The following MLLT1 variants were observed in gnomAD, a reference collection of about 807,000 sequenced individuals.
The protein encoded by MLLT1 is MLLT1 super elongation complex subunit.
A neutral mutation model predicts 55.1 loss-of-function variants in MLLT1; 11 were observed. The ratio of observed to expected loss-of-function variants is 0.20; its 90% CI spans 0.13 to 0.33. The LOEUF (loss-of-function observed/expected upper bound fraction) is 0.33, where lower values mean the gene tolerates loss of function less well. Among genes scored for constraint, MLLT1 ranks in the 10% least tolerant of loss-of-function variants. The probability of loss-of-function intolerance (pLI) is 1.00; values close to 1 mark genes in which losing one functional copy is unlikely to be tolerated. For synonymous variants in MLLT1, 323 were observed against 320.1 expected, an observed-to-expected ratio of 1.01 and a Z score of -0.10; for missense variants, 536 against 760.6, an observed-to-expected ratio of 0.70 and a Z score of 3.47.
At chr19:6,251,183 C>A (rs777713308) in intron 3 of MLLT1, among the ~76,000 whole-genome samples, 1 of 152,212 alleles carries the variant, frequency 6.6e-6, no homozygotes, top group Non-Finnish European at 1.5e-5. Context: ...GGCAGTAGTA[C>A]AACCCTGTGA....
Position 6,210,772 on chromosome 19 carries a change from C to G in MLLT1, c.*2270G>C, listed in dbSNP as rs1163911166. On this transcript the variant is annotated 3_prime_UTR_variant, in exon 12 of 12. Coordinates refer to ENST00000252674, the MANE Select transcript of MLLT1 (RefSeq NM_005934.4). This position sits in a 1 kb window ranked among gnomAD's most constrained non-coding sequence, Gnocchi z 4.6. ...CCCAGAGCCCTCGTGGGCCCAGCCG[C>G]CGGGCAGCTGGGGTGGGGTGGGAGA... The G allele has an allele frequency of 8.7e-6, 2 of 229,926 alleles. No homozygotes were observed. The highest frequency in any genetic ancestry group is 1.2e-4 in the East Asian group (2 of 16,234). 14.2% of individuals were successfully genotyped at this position (229,926 alleles called of 1,614,324 possible).
At position 6,230,527 on chromosome 19, in the gene MLLT1, CG is replaced by C; in HGVS notation, c.420+42del. ...ACAGACGGCCGCAGCAAAGTAGCCTCGGTGGAGCGGCCCCTTGGCGGGCAGG... is the reference window on the plus strand; with the variant it reads ...ACAGACGGCCGCAGCAAAGTAGCCTCGTGGAGCGGCCCCTTGGCGGGCAGG... On this transcript the variant is annotated intron_variant, in intron 4 of 11. Coordinates refer to ENST00000252674, the MANE Select transcript of MLLT1 (RefSeq NM_005934.4). This position sits in a 1 kb window ranked among gnomAD's most constrained non-coding sequence, Gnocchi z 9.0. The C allele has an allele frequency of 6.2e-7, 1 of 1,606,024 alleles. No individual in the cohort carries two copies. Among genetic ancestry groups the C allele is most frequent in the Non-Finnish European group, 8.5e-7 (1 of 1,177,852 alleles).
chr19:6,260,866 C>T (rs11666266), intron 3 of MLLT1, among the ~76,000 whole-genome samples: 45,486 of 152,186 alleles, frequency 0.3, 7,722 homozygotes, highest in African/African-American at 0.45. Context: ...ACAAAAAATG[C>T]CTTGCTGGCC....
chr19:6,279,436 GCT>G (rs2091445384), intron 1 of MLLT1, among the ~76,000 whole-genome samples: 2 of 152,072 alleles, frequency 1.3e-5, no homozygotes, highest in Non-Finnish European at 2.9e-5. Context: ...CCTAAGCCGG[GCT>G]GGGGTCCCCA....
At chr19:6,271,720 G>A (rs1457877120) in intron 1 of MLLT1, among the ~76,000 whole-genome samples, 1 of 152,228 alleles carries the variant, frequency 6.6e-6, no homozygotes, top group East Asian at 1.9e-4. Context: ...ATACAAGAAT[G>A]TTACAAAATA....
At chr19:6,215,329 C>T (rs1264899324) in intron 8 of MLLT1, among the ~76,000 whole-genome samples, 3 of 152,222 alleles carry the variant, frequency 2.0e-5, no homozygotes, top group Non-Finnish European at 4.4e-5. Flanking sequence ...CGGCTCTTGG[C>T]GCAAGCAGAA....
In MLLT1 at chr19:6,222,462, C is replaced by A. The variant is rs780817939; in HGVS notation, c.769G>T (p.Ala257Ser). The change falls in exon 6 of 12, where the codon GCC (alanine) becomes TCC (serine). Residue 257 changes from alanine (A) to serine (S), a missense_variant. Ala to Ser is a moderately conservative substitution (Grantham distance 99). This residue lies in a region of MLLT1 where 449 missense variants were observed against 489.0 expected (regional missense o/e 0.92). Coordinates refer to ENST00000252674, the MANE Select transcript of MLLT1 (RefSeq NM_005934.4). The surrounding 1 kb of genome is among the most constrained non-coding windows in gnomAD (Gnocchi z 4.1). ...PKAAFKEPKM[A>S]LKETKLESTS... The stretch of plus-strand genomic sequence containing the variant: ...CTTTCCAGCTTGGTCTCTTTCAGGG[C>A]CATCTTGGGTTCCTTGAAGGCAGCC... 10 of 1,582,836 alleles carry A rather than the reference C, an allele frequency of 6.3e-6. No homozygotes were observed. The East Asian group carries it at 9.0e-5, about 14-fold the overall frequency.
In MLLT1 at chr19:6,270,580, G is replaced by A. The variant is rs370306923; in HGVS notation, c.192C>T (p.Arg64=). 2.6e-5 allele frequency: 42 copies of A among 1,609,738 alleles called. No individual in the cohort carries two copies. The highest frequency in any genetic ancestry group is 1.7e-4 in the Middle Eastern group (1 of 6,012). ...CACTCAGGGCTTGAGGCCACTCACC[G>A]CGTCTGGGCTTGGGGAAGCTGTCGT... The part of the protein sequence containing the change: ...WLHDSFPKPR[R]VCKEPPYKVE... The change falls in exon 2 of 12, where the codon CGC becomes CGT. Residue 64 remains arginine (R), a splice_region_variant and synonymous_variant. Coordinates refer to ENST00000252674, the MANE Select transcript of MLLT1 (RefSeq NM_005934.4). This position sits in a 1 kb window ranked among gnomAD's most constrained non-coding sequence, Gnocchi z 7.1.
Position 6,226,704 on chromosome 19 carries a change from C to T in MLLT1, c.546+273G>A, listed in dbSNP as rs2090960104. 6.6e-6 allele frequency among the ~76,000 whole-genome samples: 1 copy of T among 152,176 alleles called. No individual in the cohort carries two copies. Among genetic ancestry groups the T allele is most frequent in the South Asian group, 2.1e-4 (1 of 4,830 alleles). ...GGCTTCAGGCCGAGCAGTCCTGGGG[C>T]CCTGCCATCACTTGGCAGAACGGGA... On this transcript the variant is annotated intron_variant, in intron 5 of 11. Transcript: ENST00000252674. The surrounding 1 kb of genome is among the most constrained non-coding windows in gnomAD (Gnocchi z 6.3).
At chr19:6,252,396 A>C (rs1277032944) in intron 3 of MLLT1, among the ~76,000 whole-genome samples, 1 of 152,164 alleles carries the variant, frequency 6.6e-6, no homozygotes, top group African/African-American at 2.4e-5. Flanking sequence ...CTATTCCCCC[A>C]ATAAGTTCCC....
intron 3 of MLLT1, among the ~76,000 whole-genome samples, chr19:6,248,345 C>A (rs1451804385): frequency 1.3e-5 from 2 of 152,210 alleles, no homozygotes; most frequent in Non-Finnish European, 2.9e-5. Flanking sequence ...CCTACGCCCA[C>A]CAGGATGGAG....
rs774924705 is a variant in MLLT1 at position 6,214,025 on chromosome 19, C to T, written c.1321G>A (p.Asp441Asn). ...TCGGCGCTGTTGTCACTCTCGCTGT[C>T]GCTGAAGCTCAACCTGAACCGACAC... The part of the protein sequence containing the change: ...PGRDSRLSFS[D>N]SESDNSADSS... The change falls in exon 9 of 12, where the codon GAC becomes AAC. Residue 441 changes from aspartate (D) to asparagine (N), a missense_variant. This residue lies in a region of MLLT1 where 449 missense variants were observed against 489.0 expected (regional missense o/e 0.92). Transcript: ENST00000252674. 7.6e-6 allele frequency: 11 copies of T among 1,445,254 alleles called. No individual in the cohort carries two copies. The highest frequency in any genetic ancestry group is 3.2e-5 in the South Asian group (2 of 62,666). The allele number at this position is 1,445,254 out of a possible 1,614,324, so 89.5% of individuals were successfully genotyped here.
chr19:6,258,743 C>T (rs1443867803), intron 3 of MLLT1, among the ~76,000 whole-genome samples: 2 of 152,216 alleles, frequency 1.3e-5, no homozygotes, highest in African/African-American at 4.8e-5. Context: ...TCGGAGAAAG[C>T]ACCTTTTCTG....
At chr19:6,223,784 A>G (rs2090927968) in intron 5 of MLLT1, among the ~76,000 whole-genome samples, 1 of 152,138 alleles carries the variant, frequency 6.6e-6, no homozygotes, top group Admixed American at 6.5e-5. Flanking sequence ...CCTTCCCTAC[A>G]GAGACCCTGT....
rs572703808 is a variant in MLLT1 at position 6,247,929 on chromosome 19, G to A, written c.276+14299C>T. Among the ~76,000 whole-genome samples, 4 of 152,142 alleles carry A rather than the reference G, an allele frequency of 2.6e-5. No individual in the cohort carries two copies. In the East Asian group the frequency reaches 7.7e-4, roughly 29 times the overall value. ...TTTGTGAGACAGAGTCTCACTCTGTGACCCAGGCTGGAGTGCAGTGGTGTG... is the reference window on the plus strand; with the variant it reads ...TTTGTGAGACAGAGTCTCACTCTGTAACCCAGGCTGGAGTGCAGTGGTGTG... On this transcript the variant is annotated intron_variant, in intron 3 of 11. Transcript: ENST00000252674.
rs1438025515 is a variant in MLLT1 at position 6,273,428 on chromosome 19, C to A, written c.13-2669G>T. On this transcript the variant is annotated intron_variant, in intron 1 of 11. Transcript: ENST00000252674. The surrounding 1 kb of genome is among the most constrained non-coding windows in gnomAD (Gnocchi z 4.3). ...ACGGAAGATCAGGCGCACTCATAAA[C>A]CCCCGGCGCTGCGGATTCATGAGGA... is the stretch of plus-strand genomic sequence containing the variant. Among the ~76,000 whole-genome samples the A allele has an allele frequency of 6.6e-6, 1 of 152,160 alleles. No individual in the cohort carries two copies. The highest frequency in any genetic ancestry group is 1.9e-4 in the East Asian group (1 of 5,192).
At chr19:6,221,687 C>G (rs1411495366) in intron 6 of MLLT1, among the ~76,000 whole-genome samples, 1 of 152,234 alleles carries the variant, frequency 6.6e-6, no homozygotes, top group African/African-American at 2.4e-5. Flanking sequence ...AACCTCCAGA[C>G]AAGGGTGAGT....
intron 7 of MLLT1, among the ~76,000 whole-genome samples, 195 bp downstream of exon 7, chr19:6,217,759 G>A (rs2090859199): frequency 6.6e-6 from 1 of 152,234 alleles, no homozygotes; most frequent in South Asian, 2.1e-4. Flanking sequence ...GTGCCCCCGG[G>A]CCTGACTGGA....
At chr19:6,275,215 G>A (rs1175023588) in intron 1 of MLLT1, among the ~76,000 whole-genome samples, 1 of 152,184 alleles carries the variant, frequency 6.6e-6, no homozygotes, top group Non-Finnish European at 1.5e-5. Flanking sequence ...CTTGGACTTC[G>A]CCCAGTGGTG....
Sources: allele counts gnomAD v4.1 joint callset (sites outside exome capture counted in the v4.1 genomes callset), GRCh38; gene constraint gnomAD v4.1.1; regional missense constraint gnomAD v4.1.1; non-coding constraint Gnocchi (gnomAD v3.1); transcripts MANE v1.5; gene names NCBI Gene and HGNC (gene_info 2026-07-23, HGNC 2026-07-21).